The following RBMS3 variants were observed in gnomAD, a reference collection of about 807,000 sequenced individuals.
RBMS3 encodes RNA binding motif single stranded interacting protein 3.
RBMS3 carries 27 observed loss-of-function variants against 66.8 expected under a neutral mutation model. The observed-to-expected ratio is 0.40, with a 90% CI of 0.30 to 0.56. RBMS3 has a LOEUF of 0.56. Among genes scored for constraint, RBMS3 ranks in the 20% least tolerant of loss-of-function variants. The probability of loss-of-function intolerance (pLI) is 0.40; values close to 1 mark genes in which losing one functional copy is unlikely to be tolerated. For synonymous variants in RBMS3, 188 were observed against 183.0 expected, an observed-to-expected ratio of 1.03 and a Z score of -0.22; for missense variants, 513 against 549.5, an observed-to-expected ratio of 0.93 and a Z score of 0.66.
intron 10 of RBMS3, 83 bp from the exon 11 acceptor site, chr3:29,936,003 A>G: frequency 5.3e-6 from 6 of 1,125,680 alleles, no homozygotes; most frequent in Non-Finnish European, 7.7e-6. Flanking sequence ...ATGTTCACAC[A>G]TTTACAATTT....
chr3:29,978,793 A>G (rs1697771869), intron 12 of RBMS3, among the ~76,000 whole-genome samples: 1 of 152,148 alleles, frequency 6.6e-6, no homozygotes, highest in Non-Finnish European at 1.5e-5. Flanking sequence ...GACCTTATTT[A>G]CTTCAAAAAT....
intron 1 of RBMS3, among the ~76,000 whole-genome samples, chr3:29,325,388 A>C (rs2035261861): frequency 6.6e-6 from 1 of 152,106 alleles, no homozygotes. Context: ...TTTTGTATTT[A>C]TTAACTTTCA....
At chr3:29,962,551 C>CATATATATAT (rs148691765) in intron 12 of RBMS3, among the ~76,000 whole-genome samples, 29 of 135,262 alleles carry the variant, frequency 2.1e-4, no homozygotes, top group African/African-American at 8.1e-4. Context: ...GGTCAAGACT[C>CATATATATAT]ATATATATAT....
chr3:29,927,926 A>G (rs903715275), intron 10 of RBMS3, among the ~76,000 whole-genome samples: 5 of 152,154 alleles, frequency 3.3e-5, no homozygotes, highest in African/African-American at 1.2e-4. Context: ...TTTCTGAATA[A>G]GACAAGCAGG....
At chr3:29,906,327 G>A (rs1020484288) in intron 10 of RBMS3, among the ~76,000 whole-genome samples, 1 of 152,086 alleles carries the variant, frequency 6.6e-6, no homozygotes, top group Non-Finnish European at 1.5e-5. Flanking sequence ...GGCAGCTGGT[G>A]AGGGCCATCT....
chr3:29,560,584 G>A (rs1241223673), intron 3 of RBMS3, among the ~76,000 whole-genome samples: 2 of 152,094 alleles, frequency 1.3e-5, no homozygotes, highest in Non-Finnish European at 2.9e-5. Flanking sequence ...TGCTTCTCCC[G>A]CAACACCGCA....
At position 29,349,283 on chromosome 3, in the gene RBMS3, C is replaced by G. The variant is rs1367602333; in HGVS notation, c.75+67527C>G. The stretch of plus-strand genomic sequence containing the variant: ...GGACAGGAGACAAAAAAGCTACAGT[C>G]GTACTCTCTCTATTCCTCTGTAACC... On this transcript the variant is annotated intron_variant, in intron 1 of 14. Transcript: ENST00000383767. 2.0e-5 allele frequency among the ~76,000 whole-genome samples: 3 copies of G among 152,200 alleles called. No homozygotes were observed. The East Asian group carries it at 5.8e-4, about 29-fold the overall frequency.
chr3:29,380,212 T>TCTCA (rs143804334), intron 1 of RBMS3, among the ~76,000 whole-genome samples: 2 of 149,206 alleles, frequency 1.3e-5, no homozygotes, highest in African/African-American at 2.5e-5. Context: ...TAGGGGAATC[T>TCTCA]CACACACACA....
At chr3:29,344,664 A>G (rs967945654) in intron 1 of RBMS3, among the ~76,000 whole-genome samples, 54 of 152,046 alleles carry the variant, frequency 3.6e-4, no homozygotes, top group Non-Finnish European at 2.4e-4. Flanking sequence ...TTTTTTGTAT[A>G]TATTTACCAG....
chr3:29,533,861 C>A (rs191417171), intron 3 of RBMS3, among the ~76,000 whole-genome samples: 1 of 152,324 alleles, frequency 6.6e-6, no homozygotes, highest in East Asian at 1.9e-4. Context: ...CTATTTCTAA[C>A]CTATTTGTTC....
chr3:29,527,181 T>TAAAAAAAAAAA (rs538907247), intron 3 of RBMS3, among the ~76,000 whole-genome samples: 1 of 87,822 alleles, frequency 1.1e-5, no homozygotes, highest in African/African-American at 4.7e-5. Context: ...TTAGGTAGAG[T>TAAAAAAAAAAA]AAAAAAAAAA....
At chr3:29,839,389 C>A (rs2058608647) in intron 6 of RBMS3, among the ~76,000 whole-genome samples, 1 of 152,014 alleles carries the variant, frequency 6.6e-6, no homozygotes, top group African/African-American at 2.4e-5. Context: ...ACATCTGCTG[C>A]CAATATTTTG....
rs150532026 is a variant in RBMS3 at position 29,402,528 on chromosome 3, T to C, written c.76-32215T>C. 8.3e-3 allele frequency among the ~76,000 whole-genome samples: 1,267 copies of C among 152,186 alleles called. 20 individuals carry two copies. The highest frequency in any genetic ancestry group is 0.032 in the Admixed American group (481 of 15,262). On this transcript the variant is annotated intron_variant, in intron 1 of 14. Coordinates refer to ENST00000383767, the MANE Select transcript of RBMS3 (RefSeq NM_001003793.3). The stretch of plus-strand genomic sequence containing the variant: ...TATCTAGTAGTTATGAAATGTACTT[T>C]GACTTCCTTTATTTTCTAATAATGA...
chr3:29,381,709 T>A (rs554732878), intron 1 of RBMS3, among the ~76,000 whole-genome samples: 1 of 152,362 alleles, frequency 6.6e-6, no homozygotes, highest in Non-Finnish European at 1.5e-5. Flanking sequence ...CCCTATTGCT[T>A]TAACTAGAGA....
intron 6 of RBMS3, chr3:29,766,539 G>C (rs1316366525): frequency 1.3e-5 from 2 of 151,992 alleles, no homozygotes; most frequent in African/African-American, 4.8e-5. Context: ...AGATAAGTGA[G>C]TTGGAAGAGA....
intron 1 of RBMS3, among the ~76,000 whole-genome samples, chr3:29,419,358 T>C (rs1280509662): frequency 6.6e-6 from 1 of 152,212 alleles, no homozygotes; most frequent in Non-Finnish European, 1.5e-5. Context: ...CATAACAGCA[T>C]TTATTGTAAT....
chr3:29,698,475 C>A lies in RBMS3; in HGVS notation c.400-41245C>A, dbSNP rs539088071. ...AATACAGTCTTTGGAGGAATCTTGA[C>A]TTCTCAGCACTCTTTGTTTATTCAT... On this transcript the variant is annotated intron_variant, in intron 4 of 14. Transcript: ENST00000383767. 2.2e-5 allele frequency: 22 copies of A among 985,320 alleles called. No individual in the cohort carries two copies. In the African/African-American group the frequency reaches 3.8e-4, roughly 17 times the overall value. 61.0% of individuals were successfully genotyped at this position (985,320 alleles called of 1,614,324 possible).
At chr3:29,886,212 C>T (rs1421159658) in intron 8 of RBMS3, among the ~76,000 whole-genome samples, 1 of 151,772 alleles carries the variant, frequency 6.6e-6, no homozygotes, top group Non-Finnish European at 1.5e-5. Flanking sequence ...TGCTCAGTTG[C>T]CCCAAAATGT....
intron 4 of RBMS3, among the ~76,000 whole-genome samples, chr3:29,697,526 C>T (rs1344569226): frequency 6.6e-6 from 1 of 152,194 alleles, no homozygotes; most frequent in Non-Finnish European, 1.5e-5. Flanking sequence ...TAATATTCTG[C>T]TTTTCAAAGG....
Sources: gnomAD v4.1 joint callset for allele counts (sites outside exome capture counted in the v4.1 genomes callset) on GRCh38, gnomAD v4.1.1 for gene constraint, MANE v1.5 for transcripts, NCBI Gene and HGNC (gene_info 2026-07-23, HGNC 2026-07-21) for gene names.